The following MYO10 variants were observed in gnomAD, a reference collection of about 807,000 sequenced individuals.
MYO10 encodes the protein unconventional myosin-X.
Under a neutral mutation model 257.3 loss-of-function variants are expected in MYO10, and 133 were observed. That is an observed-to-expected ratio of 0.52 (90% CI 0.45 to 0.60). The LOEUF is 0.60. Among genes scored for constraint, MYO10 ranks in the 20% least tolerant of loss-of-function variants. The pLI is 0.00. For synonymous variants in MYO10, 1,104 were observed against 1,028.6 expected, an observed-to-expected ratio of 1.07 and a Z score of -1.40; for missense variants, 2,399 against 2,635.7, an observed-to-expected ratio of 0.91 and a Z score of 1.97.
At chr5:16,761,022 C>T (rs1740696452) in intron 17 of MYO10, among the ~76,000 whole-genome samples, 3 of 151,774 alleles carry the variant, frequency 2.0e-5, no homozygotes, top group Admixed American at 6.6e-5. Context: ...CAGAGTTTCA[C>T]TCTTGTCACC....
chr5:16,784,857 G>T (rs1202175899), intron 4 of MYO10, among the ~76,000 whole-genome samples: 1 of 152,154 alleles, frequency 6.6e-6, no homozygotes, highest in African/African-American at 2.4e-5. Context: ...TGGGTGCAGG[G>T]GTCCCAGGGA....
chr5:16,668,239 G>A (rs779931211), intron 40 of MYO10, 38 bp downstream of exon 40: 11 of 1,566,742 alleles, frequency 7.0e-6, no homozygotes, highest in Non-Finnish European at 9.5e-6. Context: ...GTTTTGTCAA[G>A]ACCATGAATA....
chr5:16,881,689 T>C (rs1393197409), intron 1 of MYO10, among the ~76,000 whole-genome samples: 1 of 152,222 alleles, frequency 6.6e-6, no homozygotes, highest in African/African-American at 2.4e-5. Flanking sequence ...ATTTTTTACA[T>C]AGATTGTTCC....
chr5:16,705,366 T>C (rs1280675918), intron 21 of MYO10, among the ~76,000 whole-genome samples: 1 of 152,200 alleles, frequency 6.6e-6, no homozygotes, highest in Non-Finnish European at 1.5e-5. Flanking sequence ...TGCTTGCCTA[T>C]GTCTGAGAAT....
At chr5:16,680,827 C>T (rs1313567286) in intron 32 of MYO10, among the ~76,000 whole-genome samples, 1 of 152,096 alleles carries the variant, frequency 6.6e-6, no homozygotes, top group Non-Finnish European at 1.5e-5. Context: ...AACCTGGTCT[C>T]CACCAAAAAG....
At chr5:16,681,612 CAGAA>C (rs887321378) in intron 31 of MYO10, 109 bp from the exon 32 acceptor site, 4 of 1,229,476 alleles carry the variant, frequency 3.3e-6, no homozygotes, top group Non-Finnish European at 4.5e-6. Context: ...AGCTGTTTGC[CAGAA>C]AAAGACCACG....
chr5:16,753,333 G>GT (rs200976317), intron 19 of MYO10, among the ~76,000 whole-genome samples: 3,968 of 151,956 alleles, frequency 0.026, 215 homozygotes, highest in East Asian at 0.14. Context: ...CACCCAGCTA[G>GT]TTTTTTAATA....
chr5:16,881,623 A>C (rs1249685471), intron 1 of MYO10, among the ~76,000 whole-genome samples: 1 of 152,240 alleles, frequency 6.6e-6, no homozygotes, highest in East Asian at 1.9e-4. Flanking sequence ...TTGAAAAAGT[A>C]TTAACTGGCA....
chr5:16,744,580 C>T (rs1184207415), intron 19 of MYO10, among the ~76,000 whole-genome samples: 1 of 152,102 alleles, frequency 6.6e-6, no homozygotes, highest in African/African-American at 2.4e-5. Flanking sequence ...GCTTCCTGTG[C>T]CCTTGGTGCA....
chr5:16,893,907 G>A (rs1745148597), intron 1 of MYO10, among the ~76,000 whole-genome samples: 1 of 152,162 alleles, frequency 6.6e-6, no homozygotes, highest in African/African-American at 2.4e-5. Flanking sequence ...TGGGCACCAG[G>A]CAGCGAGGAG....
chr5:16,911,384 G>A lies in MYO10; in HGVS notation c.21+24404C>T, dbSNP rs191185141. ...CTAAAACAAACTTGTCCAACCTGCA[G>A]CCAAGGACGGCTTTGAATGCAGCCC... On this transcript the variant is annotated intron_variant, in intron 1 of 40. Coordinates refer to ENST00000513610, the MANE Select transcript of MYO10 (RefSeq NM_012334.3). Among the ~76,000 whole-genome samples, 109 of 152,268 alleles carry A rather than the reference G, an allele frequency of 7.2e-4. 1 individual carries two copies. Among genetic ancestry groups the A allele is most frequent in the African/African-American group, 2.5e-3 (102 of 41,552 alleles).
At position 16,812,872 on chromosome 5, in the gene MYO10, G is replaced by C. The variant is rs1437273132; in HGVS notation, c.279+5137C>G. ...ATTATCAATACGGAGCCAAAGAGGA[G>C]GTTAGTGAAGAAAAGGGAAGATCAA... On this transcript the variant is annotated intron_variant, in intron 3 of 40. Coordinates refer to ENST00000513610, the MANE Select transcript of MYO10 (RefSeq NM_012334.3). 2.0e-5 allele frequency among the ~76,000 whole-genome samples: 3 copies of C among 151,806 alleles called. No individual in the cohort carries two copies. The East Asian group carries it at 5.8e-4, about 29-fold the overall frequency.
chr5:16,839,539 T>C (rs919094555), intron 2 of MYO10, among the ~76,000 whole-genome samples: 3 of 152,074 alleles, frequency 2.0e-5, no homozygotes, highest in Non-Finnish European at 4.4e-5. Context: ...AGCCAGGAGT[T>C]CGAGACCAGC....
At chr5:16,894,345 T>A (rs1009019011) in intron 1 of MYO10, among the ~76,000 whole-genome samples, 1 of 152,180 alleles carries the variant, frequency 6.6e-6, no homozygotes, top group African/African-American at 2.4e-5. Context: ...CTGAAGTTTT[T>A]TTTCCTGGCT....
chr5:16,767,369 C>T (rs564811927), intron 10 of MYO10, among the ~76,000 whole-genome samples: 37 of 151,904 alleles, frequency 2.4e-4, no homozygotes, highest in South Asian at 1.0e-3. Context: ...CGGGTTTCAC[C>T]GTATCGGCCT....
At chr5:16,733,135 G>GA (rs888087165) in intron 19 of MYO10, among the ~76,000 whole-genome samples, 49 of 151,742 alleles carry the variant, frequency 3.2e-4, no homozygotes, top group Non-Finnish European at 6.5e-4. Flanking sequence ...CGCCATCTCA[G>GA]AAAAAACAAA....
At chr5:16,827,192 G>A (rs564641473) in intron 2 of MYO10, among the ~76,000 whole-genome samples, 3 of 152,166 alleles carry the variant, frequency 2.0e-5, no homozygotes, top group Non-Finnish European at 2.9e-5. Context: ...CTCTGCTAGC[G>A]TGCGGAGGAA....
chr5:16,848,155 C>CTTTTTTTTTTTTCTTTCTTTTTTTTTTTT (rs1554002458), intron 2 of MYO10, among the ~76,000 whole-genome samples: 1 of 113,596 alleles, frequency 8.8e-6, no homozygotes, highest in African/African-American at 3.7e-5. Context: ...CTACACATTT[C>CTTTTTTTTTTTTCTTTCTTTTTTTTTTTT]TTTTTTTTTT....
At chr5:16,818,273 G>T in intron 2 of MYO10, 106 bp from the exon 3 acceptor site, 1 of 1,019,376 alleles carries the variant, frequency 9.8e-7, no homozygotes, top group Non-Finnish European at 1.4e-6. Flanking sequence ...TCAGGAAAAA[G>T]ATTCTAAATT....
Sources: allele counts gnomAD v4.1 joint callset (sites outside exome capture counted in the v4.1 genomes callset), GRCh38; gene constraint gnomAD v4.1.1; transcripts MANE v1.5; gene names NCBI Gene and HGNC (gene_info 2026-07-23, HGNC 2026-07-21).